Variants in ZNF81 observed in about 807,000 individuals in gnomAD.
The protein encoded by ZNF81 is zinc finger protein 81 (HFZ20).
ZNF81 carries 5 observed loss-of-function variants against 32.3 expected under a neutral mutation model. That is an observed-to-expected ratio of 0.15 (90% CI 0.08 to 0.33). The LOEUF (loss-of-function observed/expected upper bound fraction) is 0.33, where lower values mean the gene tolerates loss of function less well. ZNF81 is among the 10% of genes least tolerant of loss of function. The probability of loss-of-function intolerance (pLI) is 1.00; values close to 1 mark genes in which losing one functional copy is unlikely to be tolerated. For synonymous variants in ZNF81, 163 were observed against 166.8 expected, an observed-to-expected ratio of 0.98 and a Z score of 0.17; for missense variants, 379 against 479.8, an observed-to-expected ratio of 0.79 and a Z score of 1.96.
intron 2 of ZNF81, chrX:47,860,716 G>C (rs782815140): frequency 9.0e-6 from 1 of 111,517 alleles, no homozygotes; most frequent in African/African-American, 3.3e-5. Context: ...GTATTAAATT[G>C]TAGAACACCT....
At chrX:47,879,792 C>T (rs2148024081) in intron 2 of ZNF81, among the ~76,000 whole-genome samples, 1 of 112,051 alleles carries the variant, frequency 8.9e-6, no homozygotes, top group Non-Finnish European at 1.9e-5. Flanking sequence ...TCAAGATGTG[C>T]AGAGACCTGT....
intron 2 of ZNF81, among the ~76,000 whole-genome samples, chrX:47,863,849 A>T (rs1314119395): frequency 1.8e-5 from 2 of 111,807 alleles, no homozygotes; most frequent in African/African-American, 6.5e-5. Flanking sequence ...AGAGATTTGG[A>T]GCTACTTTTT....
chrX:47,874,518 G>T (rs185748296), intron 2 of ZNF81, among the ~76,000 whole-genome samples: 1 of 112,504 alleles, frequency 8.9e-6, no homozygotes, highest in Non-Finnish European at 1.9e-5. Flanking sequence ...CCTGGGCACA[G>T]GAAAGGAAGT....
At chrX:47,874,533 G>C (rs1382786989) in intron 2 of ZNF81, among the ~76,000 whole-genome samples, 1 of 112,490 alleles carries the variant, frequency 8.9e-6, no homozygotes, top group African/African-American at 3.2e-5. Flanking sequence ...GGAAGTCCTT[G>C]TGTGAGTAAT....
chrX:47,879,503 G>A (rs1164503548), intron 2 of ZNF81, among the ~76,000 whole-genome samples: 4 of 111,998 alleles, frequency 3.6e-5, no homozygotes, highest in Non-Finnish European at 5.6e-5. Flanking sequence ...GCTTCTCTAA[G>A]CCTCAGTTTC....
At chrX:47,877,066 A>G (rs1433265946) in intron 2 of ZNF81, among the ~76,000 whole-genome samples, 6 of 112,454 alleles carry the variant, frequency 5.3e-5, no homozygotes, top group African/African-American at 6.5e-5. Flanking sequence ...ACATCATGCC[A>G]GTGATACACT....
In ZNF81 at chrX:47,915,406, G is replaced by C; in HGVS notation, c.760G>C (p.Val254Leu). The change falls in exon 5 of 5, where the codon GTC becomes CTC. Residue 254 changes from valine to leucine, a missense_variant. Around this residue, in one of 2 missense-constraint regions of ZNF81, gnomAD observed 277 missense variants for 306.6 expected, o/e 0.90. Coordinates refer to ENST00000338637, the MANE Select transcript of ZNF81 (RefSeq NM_007137.5). ...KFCERNQCGK[V>L]LSLKHSLSQN... The stretch of plus-strand genomic sequence containing the variant: ...CTGTGAACGTAATCAATGTGGAAAA[G>C]TCCTCAGCCTCAAACACTCACTCAG... 8.3e-7 allele frequency: 1 copy of C among 1,211,528 alleles called. No homozygotes were observed. Among genetic ancestry groups the C allele is most frequent in the Non-Finnish European group, 1.1e-6 (1 of 895,479 alleles).
At chrX:47,904,420 C>T (rs1463064793) in intron 4 of ZNF81, among the ~76,000 whole-genome samples, 1 of 105,381 alleles carries the variant, frequency 9.5e-6, no homozygotes, top group Non-Finnish European at 2.0e-5. Flanking sequence ...ACAGACACTT[C>T]TCAAAAGAAG....
intron 4 of ZNF81, among the ~76,000 whole-genome samples, chrX:47,904,837 G>A (rs782086901): frequency 2.7e-5 from 3 of 111,744 alleles, no homozygotes; most frequent in East Asian, 5.6e-4. Context: ...CGATAGACTG[G>A]ATTAAGAAAA....
In ZNF81 at chrX:47,887,991, TG is replaced by T. The variant is rs1480522154; in HGVS notation, c.55-7del. On this transcript the variant is annotated splice_polypyrimidine_tract_variant and splice_region_variant and intron_variant, in intron 2 of 4. Coordinates refer to ENST00000338637, the MANE Select transcript of ZNF81 (RefSeq NM_007137.5). ...CATGTTGCCTTGAACAAGATTGTGTTGTTACAGGTATCAGTGTCATTTGAGG... is the reference window on the plus strand; with the variant it reads ...CATGTTGCCTTGAACAAGATTGTGTTTTACAGGTATCAGTGTCATTTGAGG... 5 of 1,209,624 alleles carry T rather than the reference TG, an allele frequency of 4.1e-6. No individual in the cohort carries two copies. Among genetic ancestry groups the T allele is most frequent in the Admixed American group, 2.2e-5 (1 of 45,692 alleles).
chrX:47,852,160 C>T (rs907756203), intron 2 of ZNF81, among the ~76,000 whole-genome samples: 2 of 112,138 alleles, frequency 1.8e-5, no homozygotes, highest in Non-Finnish European at 3.8e-5. Context: ...GTGTATATAC[C>T]TTAATTTAAA....
chrX:47,891,824 C>T (rs1487840841), intron 3 of ZNF81, among the ~76,000 whole-genome samples: 1 of 111,881 alleles, frequency 8.9e-6, no homozygotes, highest in Non-Finnish European at 1.9e-5. Flanking sequence ...TCTTTTTTCC[C>T]AATACATAGT....
intron 2 of ZNF81, among the ~76,000 whole-genome samples, chrX:47,879,930 A>G (rs1378658027): frequency 1.8e-5 from 2 of 111,886 alleles, no homozygotes; most frequent in African/African-American, 6.5e-5. Context: ...GCCCTGTGCT[A>G]TGTCCCACAT....
At chrX:47,861,226 C>T in intron 2 of ZNF81, among the ~76,000 whole-genome samples, 1 of 111,673 alleles carries the variant, frequency 9.0e-6, no homozygotes, top group East Asian at 2.8e-4. Context: ...TCTGTTCCAA[C>T]ACTGGGTAGT....
intron 4 of ZNF81, among the ~76,000 whole-genome samples, chrX:47,898,931 G>T (rs1300362633): frequency 1.8e-5 from 2 of 111,603 alleles, no homozygotes; most frequent in African/African-American, 6.5e-5. Context: ...TAAGTTGCTA[G>T]TGATTGATTT....
chrX:47,838,766 T>C (rs1295018359), intron 1 of ZNF81, among the ~76,000 whole-genome samples: 2 of 111,608 alleles, frequency 1.8e-5, no homozygotes, highest in Non-Finnish European at 3.8e-5. Context: ...ATAGTTTTCT[T>C]TTTTATACTA....
intron 3 of ZNF81, among the ~76,000 whole-genome samples, chrX:47,889,242 C>A (rs1229197483): frequency 8.9e-6 from 1 of 112,214 alleles, no homozygotes; most frequent in Non-Finnish European, 1.9e-5. Flanking sequence ...AATCAACTGT[C>A]TCACTAGAAA....
intron 1 of ZNF81, among the ~76,000 whole-genome samples, chrX:47,840,776 G>T (rs1339607368): frequency 8.9e-6 from 1 of 111,997 alleles, no homozygotes; most frequent in African/African-American, 3.2e-5. Flanking sequence ...CCAAAGTGCT[G>T]GGATTGCAGG....
intron 2 of ZNF81, among the ~76,000 whole-genome samples, chrX:47,858,501 C>A (rs782321799): frequency 8.9e-6 from 1 of 111,779 alleles, no homozygotes; most frequent in Admixed American, 9.5e-5. Context: ...TGTTCAGAAT[C>A]CTTTATTTTA....
Sources: allele counts gnomAD v4.1 joint callset (sites outside exome capture counted in the v4.1 genomes callset), GRCh38; gene constraint gnomAD v4.1.1; regional missense constraint gnomAD v4.1.1; transcripts MANE v1.5; gene names NCBI Gene and HGNC (gene_info 2026-07-23, HGNC 2026-07-21).